Variants in CEP170 observed in about 807,000 individuals in gnomAD.
CEP170 encodes centrosomal protein 170.
Under a neutral mutation model 151.9 loss-of-function variants are expected in CEP170, and 21 were observed. The ratio of observed to expected loss-of-function variants is 0.14; its 90% CI spans 0.10 to 0.20. CEP170 has a LOEUF of 0.20. Among genes scored for constraint, CEP170 ranks in the 10% least tolerant of loss-of-function variants. CEP170 has a pLI of 1.00. For synonymous variants in CEP170, 356 were observed against 648.8 expected (o/e 0.55, Z 6.86); for missense variants, 964 against 1,892.9 (o/e 0.51, Z 9.11).
intron 3 of CEP170, chr1:243,221,488 C>T (rs1006398060): frequency 2.1e-6 from 1 of 467,972 alleles, no homozygotes; most frequent in Middle Eastern, 5.5e-4. Context: ...TCTTCTTTAG[C>T]CATCACAGAC....
intron 12 of CEP170, chr1:243,166,434 C>T (rs182455379): frequency 5.9e-5 from 15 of 254,558 alleles, no homozygotes; most frequent in East Asian, 5.8e-4. Flanking sequence ...AGACTACACA[C>T]GTTCAGTGGG....
chr1:243,149,472 A>G (rs2056857787), intron 14 of CEP170, among the ~76,000 whole-genome samples: 1 of 152,084 alleles, frequency 6.6e-6, no homozygotes, highest in African/African-American at 2.4e-5. Flanking sequence ...CTGTCATCTG[A>G]ACCTGTGGGC....
intron 4 of CEP170, among the ~76,000 whole-genome samples, chr1:243,202,699 A>G (rs1169690916): frequency 1.3e-5 from 2 of 152,030 alleles, no homozygotes; most frequent in East Asian, 3.9e-4. Context: ...TATGGTAAAA[A>G]CTTTGCTTTA....
intron 14 of CEP170, among the ~76,000 whole-genome samples, chr1:243,146,081 A>G (rs1268953113): frequency 6.6e-6 from 1 of 152,232 alleles, no homozygotes; most frequent in Non-Finnish European, 1.5e-5. Context: ...GGAATGGAAA[A>G]TCAAACACCA....
intron 1 of CEP170, among the ~76,000 whole-genome samples, chr1:243,252,231 T>C (rs2066002401): frequency 6.6e-6 from 1 of 152,178 alleles, no homozygotes; most frequent in Admixed American, 6.5e-5. Context: ...ACTGTACAGA[T>C]ACTTTAGTTA....
Position 243,134,358 on chromosome 1 carries a change from A to G in CEP170, c.4319+1785T>C, listed in dbSNP as rs370437654. 3.8e-4 allele frequency among the ~76,000 whole-genome samples: 58 copies of G among 152,362 alleles called. 2 individuals are homozygous for G. In the South Asian group the frequency reaches 0.011, roughly 29 times the overall value. Reference sequence around the variant, plus strand: ...AGAAAATTAAGTCTATTTAAAATTCATAAGAATATATGGGAATTGATAAAG... The same window carrying G: ...AGAAAATTAAGTCTATTTAAAATTCGTAAGAATATATGGGAATTGATAAAG... On this transcript the variant is annotated intron_variant, in intron 17 of 19. Coordinates refer to ENST00000366542, the MANE Select transcript of CEP170 (RefSeq NM_014812.3).
intron 1 of CEP170, among the ~76,000 whole-genome samples, chr1:243,226,707 T>C (rs1211071588): frequency 6.6e-6 from 1 of 152,186 alleles, no homozygotes. Flanking sequence ...ATCCATCTTA[T>C]GGCTAGGCAC....
intron 3 of CEP170, among the ~76,000 whole-genome samples, chr1:243,214,287 T>TG (rs938611760): frequency 4.1e-5 from 6 of 145,612 alleles, no homozygotes; most frequent in African/African-American, 1.5e-4. Flanking sequence ...AAAGTTTTTT[T>TG]TTTTTTTTTT....
intron 1 of CEP170, among the ~76,000 whole-genome samples, chr1:243,230,240 T>C (rs886553916): frequency 7.2e-5 from 11 of 151,938 alleles, no homozygotes; most frequent in South Asian, 2.1e-4. Context: ...AGGTTGAAGC[T>C]GCAGTGAGCC....
intron 16 of CEP170, among the ~76,000 whole-genome samples, chr1:243,137,693 T>C (rs1231092253): frequency 6.6e-6 from 1 of 151,738 alleles, no homozygotes; most frequent in Non-Finnish European, 1.5e-5. Flanking sequence ...GGGAATTGCT[T>C]GAACCTGGGA....
chr1:243,223,248 A>C (rs544128798), intron 2 of CEP170, among the ~76,000 whole-genome samples: 1 of 152,208 alleles, frequency 6.6e-6, no homozygotes, highest in East Asian at 1.9e-4. Flanking sequence ...GGAAAAGAGT[A>C]CATAGGAAAA....
chr1:243,221,809 C>T lies in CEP170; in HGVS notation c.110G>A (p.Arg37His). 3 of 1,607,816 alleles carry T rather than the reference C, an allele frequency of 1.9e-6. No homozygotes were observed. Among genetic ancestry groups the T allele is most frequent in the Non-Finnish European group, 2.5e-6 (3 of 1,177,686 alleles). Residue 37 changes from arginine to histidine, a missense_variant, in exon 3 of 20, where the codon CGT becomes CAT. By Grantham distance (29) the Arg-to-His change is conservative. Transcript: ENST00000366542. The stretch of plus-strand genomic sequence containing the variant: ...GACAGCGTGTTGCTTATCCACACTA[C>T]GAGACTGAAAGGAATGTTGTCAGTT... ...RDDCELMLQS[R>H]SVDKQHAVIN...
At chr1:243,253,103 G>A (rs982042091) in intron 1 of CEP170, 1 of 152,060 alleles carries the variant, frequency 6.6e-6, no homozygotes, top group Non-Finnish European at 1.5e-5. Context: ...AAAACCTACC[G>A]TTAAGTAGCT....
At chr1:243,194,091 A>T (rs1383364403) in intron 7 of CEP170, among the ~76,000 whole-genome samples, 3 of 151,912 alleles carry the variant, frequency 2.0e-5, no homozygotes, top group Non-Finnish European at 2.9e-5. Flanking sequence ...CTTCACCGAG[A>T]GGTTTTTACT....
intron 1 of CEP170, among the ~76,000 whole-genome samples, chr1:243,239,239 A>T (rs896177670): frequency 6.6e-6 from 1 of 152,192 alleles, no homozygotes; most frequent in Non-Finnish European, 1.5e-5. Context: ...TCCCCGTCTT[A>T]GCGAATGGCA....
chr1:243,232,207 C>G (rs1271347128), intron 1 of CEP170, among the ~76,000 whole-genome samples: 1 of 152,056 alleles, frequency 6.6e-6, no homozygotes, highest in East Asian at 1.9e-4. Flanking sequence ...TCAAGCAATC[C>G]ACCCGCTTCA....
chr1:243,242,364 G>T (rs957930922), intron 1 of CEP170, among the ~76,000 whole-genome samples: 3 of 151,758 alleles, frequency 2.0e-5, no homozygotes, highest in Non-Finnish European at 2.9e-5. Flanking sequence ...GACTACAGGC[G>T]CCCGCCACCA....
intron 1 of CEP170, among the ~76,000 whole-genome samples, chr1:243,225,961 C>A (rs2149017542): frequency 6.9e-6 from 1 of 145,658 alleles, no homozygotes; most frequent in East Asian, 2.0e-4. Flanking sequence ...TTTACATGGG[C>A]AATACATATC....
At chr1:243,226,218 GAGAT>G (rs1423386956) in intron 1 of CEP170, among the ~76,000 whole-genome samples, 6 of 136,474 alleles carry the variant, frequency 4.4e-5, no homozygotes, top group Non-Finnish European at 7.7e-5. Flanking sequence ...TATCTATAGA[GAGAT>G]AGACATGTAC....
Sources: gnomAD v4.1 joint callset for allele counts (sites outside exome capture counted in the v4.1 genomes callset) on GRCh38, gnomAD v4.1.1 for gene constraint, MANE v1.5 for transcripts, NCBI Gene and HGNC (gene_info 2026-07-23, HGNC 2026-07-21) for gene names.